PTBP2: variants seen among roughly 807,000 people sequenced by gnomAD.
The protein encoded by PTBP2 is polypyrimidine tract binding protein 2, also known as polypyrimidine tract-binding protein 2.
PTBP2 carries 13 observed loss-of-function variants against 61.4 expected under a neutral mutation model. The ratio of observed to expected loss-of-function variants is 0.21; its 90% CI spans 0.14 to 0.34. The LOEUF is 0.34. Ranked by LOEUF, PTBP2 falls within the 10% of genes least tolerant of loss-of-function variation. The pLI, the probability that PTBP2 is intolerant of heterozygous loss-of-function variation, is 1.00. For missense variants in PTBP2, 405 were observed against 642.6 expected (o/e 0.63, Z 4.00); for synonymous variants, 215 against 218.5 (o/e 0.98, Z 0.14).
intron 3 of PTBP2, among the ~76,000 whole-genome samples, chr1:96,766,687 T>A (rs1656758716): frequency 6.6e-6 from 1 of 152,208 alleles, no homozygotes; most frequent in Non-Finnish European, 1.5e-5. Flanking sequence ...TTATAATATT[T>A]GGCACTAAGA....
At position 96,785,163 on chromosome 1, in the gene PTBP2, T is replaced by C; in HGVS notation, c.813T>C (p.Asp271=). ...NVKYNNDKSR[D]YTRPDLPSGD... The stretch of plus-strand genomic sequence containing the variant: ...AATACAACAATGATAAAAGTAGGGA[T>C]TATACTCGACCTGATCTTCCATCTG... Residue 271 remains aspartate, a synonymous_variant, in exon 8 of 14, where the codon GAT becomes GAC. Coordinates refer to ENST00000674951, the MANE Select transcript of PTBP2 (RefSeq NM_021190.4). 3 of 1,611,140 alleles carry C rather than the reference T, an allele frequency of 1.9e-6. No individual in the cohort carries two copies. The East Asian group carries it at 6.7e-5, about 36-fold the overall frequency.
intron 2 of PTBP2, among the ~76,000 whole-genome samples, chr1:96,746,168 G>A (rs1208073634): frequency 6.6e-6 from 1 of 152,024 alleles, no homozygotes; most frequent in Non-Finnish European, 1.5e-5. Flanking sequence ...TTATGCAAGC[G>A]TTTTTGAGAG....
intron 7 of PTBP2, among the ~76,000 whole-genome samples, chr1:96,778,171 T>A (rs1162606806): frequency 1.4e-5 from 2 of 141,954 alleles, no homozygotes; most frequent in East Asian, 3.9e-4. Context: ...ATTTTACTTT[T>A]TTTTTTTTTT....
chr1:96,723,669 T>C, intron 2 of PTBP2, 75 bp downstream of exon 2: 1 of 1,347,394 alleles, frequency 7.4e-7, no homozygotes, highest in South Asian at 1.5e-5. Flanking sequence ...TAGCTTTTGC[T>C]TTTGAAAACT....
chr1:96,818,494 C>T (rs1259601216), downstream of PTBP2: 1 of 151,930 alleles, frequency 6.6e-6, no homozygotes, highest in East Asian at 1.9e-4. Flanking sequence ...CCTAGCTGGT[C>T]AATACTACTT....
At chr1:96,724,407 CG>C (rs1223908457) in intron 2 of PTBP2, among the ~76,000 whole-genome samples, 1 of 151,942 alleles carries the variant, frequency 6.6e-6, no homozygotes, top group Non-Finnish European at 1.5e-5. Context: ...CGCACCACCA[CG>C]CCCAGCTAAT....
At chr1:96,819,326 A>G (rs1452325685), downstream of PTBP2, 3 of 152,016 alleles carry the variant, frequency 2.0e-5, no homozygotes, top group Non-Finnish European at 2.9e-5. Context: ...ACCTGTGCAA[A>G]GTATGCCTTC....
chr1:96,807,392 A>G (rs1661598344), intron 11 of PTBP2, among the ~76,000 whole-genome samples: 1 of 152,184 alleles, frequency 6.6e-6, no homozygotes, highest in Admixed American at 6.5e-5. Context: ...TGCTAAAAAC[A>G]CTGTTGTTAA....
chr1:96,776,326 T>G (rs947216292), intron 5 of PTBP2, among the ~76,000 whole-genome samples: 1 of 151,720 alleles, frequency 6.6e-6, no homozygotes, highest in Non-Finnish European at 1.5e-5. Flanking sequence ...TTTACAATTA[T>G]TTTTTCAATA....
intron 1 of PTBP2, among the ~76,000 whole-genome samples, chr1:96,722,836 T>G (rs1199375915): frequency 1.3e-5 from 2 of 152,154 alleles, no homozygotes; most frequent in Middle Eastern, 3.2e-3. Flanking sequence ...GACCGATGTC[T>G]CGCTCATATG....
At chr1:96,763,402 C>A (rs1421834717) in intron 3 of PTBP2, among the ~76,000 whole-genome samples, 10 of 152,032 alleles carry the variant, frequency 6.6e-5, no homozygotes, top group African/African-American at 2.4e-4. Context: ...ACAGCGAAAC[C>A]CCGTCTCCAC....
intron 7 of PTBP2, among the ~76,000 whole-genome samples, chr1:96,781,674 C>T (rs1181312090): frequency 2.6e-5 from 4 of 151,954 alleles, no homozygotes; most frequent in Non-Finnish European, 4.4e-5. Context: ...TCTTAGTTCT[C>T]AGTATCACAC....
At chr1:96,791,929 G>T (rs1659883227) in intron 8 of PTBP2, among the ~76,000 whole-genome samples, 1 of 148,604 alleles carries the variant, frequency 6.7e-6, no homozygotes, top group South Asian at 2.2e-4. Context: ...CGCCTCCTGG[G>T]TTCACGCCAT....
chr1:96,811,639 A>G (rs373886412), intron 11 of PTBP2, among the ~76,000 whole-genome samples: 1 of 151,768 alleles, frequency 6.6e-6, no homozygotes, highest in Non-Finnish European at 1.5e-5. Flanking sequence ...CTGGTCTCGA[A>G]CTCCTAGACC....
At chr1:96,730,279 T>C (rs957637402) in intron 2 of PTBP2, among the ~76,000 whole-genome samples, 2 of 152,204 alleles carry the variant, frequency 1.3e-5, no homozygotes, top group Non-Finnish European at 2.9e-5. Context: ...CATTTTCTAC[T>C]TAGTTAACAT....
chr1:96,768,226 A>G (rs1407829405), intron 3 of PTBP2, among the ~76,000 whole-genome samples: 1 of 152,060 alleles, frequency 6.6e-6, no homozygotes, highest in Non-Finnish European at 1.5e-5. Context: ...AGGTATCAGG[A>G]ATCATATAAT....
intron 2 of PTBP2, among the ~76,000 whole-genome samples, chr1:96,748,559 G>A (rs1032284995): frequency 1.1e-4 from 16 of 152,048 alleles, no homozygotes; most frequent in African/African-American, 3.4e-4. Context: ...AGGAAGAAAA[G>A]TTTCTGTGGT....
chr1:96,807,189 T>C (rs1432584292), intron 11 of PTBP2, among the ~76,000 whole-genome samples: 1 of 152,206 alleles, frequency 6.6e-6, no homozygotes. Context: ...GATTTTAGCT[T>C]CAAAATTGTA....
rs200909550 is a variant in PTBP2 at position 96,806,944 on chromosome 1, A to G, written c.1157A>G (p.Asn386Ser). ...DSALIQMADG[N>S]QSQLAMNHLN... ...GCTCTAATACAGATGGCTGATGGAA[A>G]CCAATCACAACTTGGTAAGATTAAA... The change falls in exon 11 of 14, where the codon AAC (asparagine) becomes AGC (serine). Residue 386 changes from asparagine to serine, a missense_variant. By Grantham distance (46) the Asn-to-Ser change is conservative. Transcript: ENST00000674951. 2.5e-6 allele frequency: 4 copies of G among 1,606,026 alleles called. No individual in the cohort carries two copies. Among genetic ancestry groups the G allele is most frequent in the South Asian group, 2.2e-5 (2 of 89,954 alleles).
Sources: gnomAD v4.1 joint callset for allele counts (sites outside exome capture counted in the v4.1 genomes callset) on GRCh38, gnomAD v4.1.1 for gene constraint, MANE v1.5 for transcripts, NCBI Gene and HGNC (gene_info 2026-07-23, HGNC 2026-07-21) for gene names.